The following SHISA9 variants were observed in gnomAD, a reference collection of about 807,000 sequenced individuals.
SHISA9 encodes shisa family member 9.
Under a neutral mutation model 38.0 loss-of-function variants are expected in SHISA9, and 13 were observed. The observed-to-expected ratio is 0.34, with a 90% CI of 0.22 to 0.54. The LOEUF is 0.54. Among genes scored for constraint, SHISA9 ranks in the 20% least tolerant of loss-of-function variants. SHISA9 has a pLI of 0.91. For synonymous variants in SHISA9, 275 were observed against 242.0 expected, an observed-to-expected ratio of 1.14 and a Z score of -1.27; for missense variants, 538 against 575.8, an observed-to-expected ratio of 0.93 and a Z score of 0.67.
the SHISA9 span, among the ~76,000 whole-genome samples, chr16:13,392,504 G>T: frequency 3.3e-5 from 5 of 151,964 alleles, no homozygotes; most frequent in Non-Finnish European, 5.9e-5. Flanking sequence ...ATTCAGTTGG[G>T]GCTCCATTTT....
rs890845292 is a variant in SHISA9, at chr16:12,912,095, G to A, written c.564-4593G>A. 3.3e-5 allele frequency among the ~76,000 whole-genome samples: 5 copies of A among 152,170 alleles called. No individual in the cohort carries two copies. The South Asian group carries it at 1.0e-3, about 32-fold the overall frequency. ...CTGCCATCTTACATGGGCCTTCTGG[G>A]AGTGGGTGCCAGCATCAATACACGT... is the stretch of plus-strand genomic sequence containing the variant. On this transcript the variant is annotated intron_variant, in intron 1 of 4. Transcript: ENST00000558583.
the SHISA9 span, among the ~76,000 whole-genome samples, chr16:13,250,241 T>A: frequency 2.6e-5 from 4 of 152,180 alleles, no homozygotes; most frequent in Admixed American, 6.5e-5. Context: ...AGAAGGAGAC[T>A]TGGAGATAGG....
chr16:13,331,397 T>G, the SHISA9 span: 1 of 146,814 alleles, frequency 6.8e-6, no homozygotes, highest in African/African-American at 2.6e-5. Flanking sequence ...CATTTTAATT[T>G]TTCTGTAAAA....
At chr16:13,233,040 CA>C (rs1341880774) in intron 4 of SHISA9, among the ~76,000 whole-genome samples, 3 of 151,842 alleles carry the variant, frequency 2.0e-5, no homozygotes, top group Non-Finnish European at 4.4e-5. Context: ...CAAAGAACGA[CA>C]AAAAAACATG....
At chr16:13,330,637 T>C in the SHISA9 span, among the ~76,000 whole-genome samples, 4 of 152,218 alleles carry the variant, frequency 2.6e-5, no homozygotes, top group South Asian at 8.3e-4. Context: ...GATAGTACAG[T>C]GTTTAGTAGA....
At chr16:12,904,272 G>C (rs1382402942) in intron 1 of SHISA9, among the ~76,000 whole-genome samples, 5 of 152,120 alleles carry the variant, frequency 3.3e-5, no homozygotes. Flanking sequence ...GAGACAGGTA[G>C]GCTGCCTTGC....
the SHISA9 span, among the ~76,000 whole-genome samples, chr16:13,293,148 G>A: frequency 6.6e-6 from 1 of 152,192 alleles, no homozygotes; most frequent in Non-Finnish European, 1.5e-5. Flanking sequence ...GTACCCAGCT[G>A]TGGTAGACAA....
the SHISA9 span, among the ~76,000 whole-genome samples, chr16:13,271,274 A>C: frequency 7.2e-5 from 11 of 152,222 alleles, no homozygotes; most frequent in Non-Finnish European, 1.6e-4. Flanking sequence ...TGGACTCTGT[A>C]GAACAGTTCC....
At chr16:13,349,168 C>T in the SHISA9 span, among the ~76,000 whole-genome samples, 193 of 152,242 alleles carry the variant, frequency 1.3e-3, 4 homozygotes, top group Admixed American at 0.012. Flanking sequence ...AATATCAACT[C>T]CCTTTGTTCT....
chr16:13,275,521 G>T, the SHISA9 span, among the ~76,000 whole-genome samples: 1 of 152,010 alleles, frequency 6.6e-6, no homozygotes, highest in Non-Finnish European at 1.5e-5. Flanking sequence ...TTGGATGTAT[G>T]TTCATGAGTA....
At chr16:13,442,720 G>A in the SHISA9 span, among the ~76,000 whole-genome samples, 1 of 152,164 alleles carries the variant, frequency 6.6e-6, no homozygotes, top group Admixed American at 6.5e-5. Flanking sequence ...TCAAGAGGCT[G>A]AGGCAGGAGG....
At chr16:12,988,297 C>T (rs999766256) in intron 2 of SHISA9, among the ~76,000 whole-genome samples, 12 of 152,186 alleles carry the variant, frequency 7.9e-5, no homozygotes, top group Non-Finnish European at 1.6e-4. Flanking sequence ...GCTTACTCAC[C>T]AGCCTGTCCA....
the SHISA9 span, among the ~76,000 whole-genome samples, chr16:13,342,442 C>G: frequency 6.6e-6 from 1 of 152,156 alleles, no homozygotes; most frequent in Non-Finnish European, 1.5e-5. Context: ...CATGTGCCAC[C>G]ATGTCCAGCT....
the SHISA9 span, among the ~76,000 whole-genome samples, chr16:13,482,259 T>A: frequency 6.6e-6 from 1 of 152,248 alleles, no homozygotes; most frequent in Admixed American, 6.5e-5. Flanking sequence ...TAACTGTATC[T>A]ACTGAAGACC....
At chr16:13,359,540 G>T in the SHISA9 span, among the ~76,000 whole-genome samples, 1 of 152,066 alleles carries the variant, frequency 6.6e-6, no homozygotes, top group Non-Finnish European at 1.5e-5. Context: ...TTTTTGCTCA[G>T]AACTGGCAGC....
the SHISA9 span, among the ~76,000 whole-genome samples, chr16:13,559,324 C>G: frequency 4.9e-3 from 740 of 151,932 alleles, 9 homozygotes; most frequent in African/African-American, 0.017. Context: ...CCCAAGATCA[C>G]ACAGCAAACT....
chr16:13,370,814 GAA>G, the SHISA9 span, among the ~76,000 whole-genome samples: 1 of 152,130 alleles, frequency 6.6e-6, no homozygotes, highest in Non-Finnish European at 1.5e-5. Context: ...ACTCTAGTCT[GAA>G]AGAGAGGCTG....
chr16:13,547,575 C>A, the SHISA9 span, among the ~76,000 whole-genome samples: 2 of 152,062 alleles, frequency 1.3e-5, no homozygotes, highest in African/African-American at 4.8e-5. Context: ...AGAGAATTTG[C>A]CATTTTTCTG....
chr16:13,455,277 C>T, the SHISA9 span, among the ~76,000 whole-genome samples: 1 of 152,182 alleles, frequency 6.6e-6, no homozygotes, highest in African/African-American at 2.4e-5. Flanking sequence ...CCTTCCTCTC[C>T]ATTGTCCCAA....
Sources: allele counts gnomAD v4.1 joint callset (sites outside exome capture counted in the v4.1 genomes callset), GRCh38; gene constraint gnomAD v4.1.1; transcripts MANE v1.5; gene names NCBI Gene and HGNC (gene_info 2026-07-23, HGNC 2026-07-21).